CAMK1D: variants seen among roughly 807,000 people sequenced by gnomAD.
CAMK1D encodes calcium/calmodulin dependent protein kinase ID, also known as calcium/calmodulin-dependent protein kinase type 1D.
A neutral mutation model predicts 47.7 loss-of-function variants in CAMK1D; 9 were observed. That is an observed-to-expected ratio of 0.19 (90% confidence interval 0.11 to 0.33). CAMK1D has a LOEUF of 0.33. Ranked by LOEUF, CAMK1D falls within the 10% of genes least tolerant of loss-of-function variation. The probability of loss-of-function intolerance (pLI) is 1.00; values close to 1 mark genes in which losing one functional copy is unlikely to be tolerated. For missense variants in CAMK1D, 291 were observed against 488.7 expected, an observed-to-expected ratio of 0.60 and a Z score of 3.81; for synonymous variants, 184 against 184.9, an observed-to-expected ratio of 0.99 and a Z score of 0.04.
chr10:12,450,276 C>T (rs1266901109), intron 1 of CAMK1D, among the ~76,000 whole-genome samples: 2 of 152,126 alleles, frequency 1.3e-5, no homozygotes, highest in Non-Finnish European at 2.9e-5. Flanking sequence ...TCCAGTTTCC[C>T]CAGTTACATT....
At chr10:12,785,730 C>T (rs536274782) in intron 5 of CAMK1D, among the ~76,000 whole-genome samples, 1 of 152,278 alleles carries the variant, frequency 6.6e-6, no homozygotes, top group African/African-American at 2.4e-5. Flanking sequence ...CAACACTGGC[C>T]GGTTCGGCTG....
intron 1 of CAMK1D, among the ~76,000 whole-genome samples, chr10:12,427,700 G>GTTTTTTTTTTTTTTGTTTTT (rs1840286820): frequency 3.2e-5 from 1 of 31,030 alleles, no homozygotes; most frequent in East Asian, 9.9e-4. Context: ...TGAACTTACT[G>GTTTTTTTTTTTTTTGTTTTT]TTTTTTTTTT....
intron 6 of CAMK1D, among the ~76,000 whole-genome samples, chr10:12,813,551 G>C (rs974886827): frequency 1.3e-5 from 2 of 152,098 alleles, no homozygotes; most frequent in Non-Finnish European, 2.9e-5. Context: ...GGTTTTTAGG[G>C]CGTGTGGGAT....
At chr10:12,476,461 G>A (rs1833906006) in intron 1 of CAMK1D, among the ~76,000 whole-genome samples, 1 of 152,046 alleles carries the variant, frequency 6.6e-6, no homozygotes, top group South Asian at 2.1e-4. Context: ...ATCTACAGAC[G>A]ATCTGCAGGG....
chr10:12,652,675 C>T (rs558754521), intron 2 of CAMK1D, among the ~76,000 whole-genome samples: 6 of 152,244 alleles, frequency 3.9e-5, no homozygotes, highest in African/African-American at 1.4e-4. Context: ...TGAGAATTTG[C>T]AAATAGCCCT....
At chr10:12,551,200 C>T (rs1313985913) in intron 1 of CAMK1D, among the ~76,000 whole-genome samples, 1 of 152,222 alleles carries the variant, frequency 6.6e-6, no homozygotes, top group East Asian at 1.9e-4. Context: ...GTTCACGTTA[C>T]CGCCTGAGCT....
chr10:12,828,808 C>T lies in CAMK1D; in HGVS notation c.1079C>T (p.Ser360Leu), dbSNP rs148446769. ...PSTLCSFISSSSGVSGVGAER... is the reference protein window; with the variant it reads ...PSTLCSFISSLSGVSGVGAER... ...ACGCTCTGTAGTTTCATTTCTTCTT[C>T]GTCGGGGGTCTCAGGAGTTGGAGCC... Residue 360 changes from serine to leucine, a missense_variant, in exon 11 of 11, where the codon TCG becomes TTG. Ser to Leu is a moderately radical substitution (Grantham distance 145). Around this residue, in one of 2 missense-constraint regions of CAMK1D, gnomAD observed 72 missense variants for 64.4 expected, o/e 1.12. Coordinates refer to ENST00000619168, the MANE Select transcript of CAMK1D (RefSeq NM_153498.4). 269 of 1,613,736 alleles carry T rather than the reference C, an allele frequency of 1.7e-4. 1 individual carries two copies. Among genetic ancestry groups the T allele is most frequent in the Admixed American group, 8.8e-4 (53 of 59,994 alleles).
intron 3 of CAMK1D, among the ~76,000 whole-genome samples, chr10:12,712,666 G>A (rs1833980780): frequency 6.6e-6 from 1 of 152,148 alleles, no homozygotes; most frequent in African/African-American, 2.4e-5. Flanking sequence ...CATCTAACCT[G>A]ATCGTCTCCC....
chr10:12,771,727 C>T (rs1416079391), intron 5 of CAMK1D, among the ~76,000 whole-genome samples: 1 of 152,172 alleles, frequency 6.6e-6, no homozygotes, highest in Non-Finnish European at 1.5e-5. Flanking sequence ...GGTTGCTCTG[C>T]TCATTTTTGA....
chr10:12,512,746 G>A (rs1052623297), intron 1 of CAMK1D, among the ~76,000 whole-genome samples: 2 of 152,116 alleles, frequency 1.3e-5, no homozygotes, highest in Non-Finnish European at 2.9e-5. Context: ...AAGAGAGATT[G>A]TGCTCATAAA....
chr10:12,389,917 C>A (rs1306986403), intron 1 of CAMK1D, among the ~76,000 whole-genome samples: 1 of 151,860 alleles, frequency 6.6e-6, no homozygotes, highest in Non-Finnish European at 1.5e-5. Flanking sequence ...AGTAGAACAT[C>A]TCCTTGAGCC....
intron 1 of CAMK1D, among the ~76,000 whole-genome samples, chr10:12,459,808 T>C (rs957000532): frequency 1.3e-5 from 2 of 152,222 alleles, no homozygotes; most frequent in African/African-American, 4.8e-5. Context: ...TTCAATTAAA[T>C]GTTGGTGAAA....
chr10:12,360,910 C>T (rs1837638817), intron 1 of CAMK1D, among the ~76,000 whole-genome samples: 1 of 152,158 alleles, frequency 6.6e-6, no homozygotes, highest in Admixed American at 6.6e-5. Flanking sequence ...ACTGTCACAG[C>T]TCTACCATGG....
At chr10:12,585,665 G>C (rs1188735815) in intron 2 of CAMK1D, among the ~76,000 whole-genome samples, 2 of 152,164 alleles carry the variant, frequency 1.3e-5, no homozygotes, top group Non-Finnish European at 2.9e-5. Context: ...GATCTCATGA[G>C]TCTGATTCAC....
chr10:12,511,990 A>G (rs923620021), intron 1 of CAMK1D, among the ~76,000 whole-genome samples: 1 of 152,226 alleles, frequency 6.6e-6, no homozygotes, highest in African/African-American at 2.4e-5. Flanking sequence ...CATCTGTGCA[A>G]TGGGTGTAAA....
intron 5 of CAMK1D, among the ~76,000 whole-genome samples, chr10:12,773,042 C>T (rs1837112629): frequency 6.6e-6 from 1 of 152,196 alleles, no homozygotes; most frequent in African/African-American, 2.4e-5. Flanking sequence ...TCACCTTGTC[C>T]TCTCCTTTGA....
intron 2 of CAMK1D, among the ~76,000 whole-genome samples, chr10:12,622,113 T>C (rs577865355): frequency 6.6e-6 from 1 of 152,328 alleles, no homozygotes; most frequent in East Asian, 1.9e-4. Flanking sequence ...CAGTTTCCTC[T>C]TTGGCGTCTT....
chr10:12,769,881 G>A, intron 5 of CAMK1D, 82 bp downstream of exon 5: 3 of 1,507,502 alleles, frequency 2.0e-6, no homozygotes, highest in Non-Finnish European at 2.7e-6. Flanking sequence ...CAACTCATCA[G>A]TTGTGTGAAA....
intron 4 of CAMK1D, among the ~76,000 whole-genome samples, chr10:12,766,598 T>A (rs1052242284): frequency 6.6e-5 from 10 of 152,126 alleles, no homozygotes; most frequent in Middle Eastern, 3.4e-3. Flanking sequence ...GAAAAAAAAA[T>A]AATAATTTAT....
Sources: gnomAD v4.1 joint callset for allele counts (sites outside exome capture counted in the v4.1 genomes callset) on GRCh38, gnomAD v4.1.1 for gene constraint, gnomAD v4.1.1 regional missense constraint, MANE v1.5 for transcripts, NCBI Gene and HGNC (gene_info 2026-07-23, HGNC 2026-07-21) for gene names.